PDE4B: variants seen among roughly 807,000 people sequenced by gnomAD.
PDE4B encodes 3',5'-cyclic-AMP phosphodiesterase 4B.
A neutral mutation model predicts 82.2 loss-of-function variants in PDE4B; 20 were observed. The observed-to-expected ratio is 0.24, with a 90% CI of 0.17 to 0.35. PDE4B has a LOEUF of 0.35. Among genes scored for constraint, PDE4B ranks in the 10% least tolerant of loss-of-function variants. The probability of loss-of-function intolerance (pLI) is 1.00; values close to 1 mark genes in which losing one functional copy is unlikely to be tolerated. For missense variants in PDE4B, 655 were observed against 907.2 expected (o/e 0.72, Z 3.57); for synonymous variants, 320 against 318.9 (o/e 1.00, Z -0.04).
chr1:66,008,846 C>G (rs975535053), intron 3 of PDE4B, among the ~76,000 whole-genome samples: 1 of 152,056 alleles, frequency 6.6e-6, no homozygotes, highest in African/African-American at 2.4e-5. Context: ...TCGGTTGGTT[C>G]CTCCTCATGT....
rs142078172 is a variant in PDE4B, at chr1:65,859,261, GTTTACA to G, written c.-70-53975_-70-53970del. 3.6e-3 allele frequency among the ~76,000 whole-genome samples: 545 copies of G among 151,968 alleles called. 2 individuals carry two copies. Among genetic ancestry groups the G allele is most frequent in the African/African-American group, 0.013 (521 of 41,454 alleles). ...TTATCTAGATGCCCCTTTTGCACTG[GTTTACA>G]TTTACATTGGAACAAAGTAAAGGTC... On this transcript the variant is annotated intron_variant, in intron 1 of 16. Coordinates refer to ENST00000341517, the MANE Select transcript of PDE4B (RefSeq NM_002600.4).
rs568356370 is a variant in PDE4B at position 65,866,832 on chromosome 1, G to A, written c.-70-46413G>A. Among the ~76,000 whole-genome samples, 179 of 152,232 alleles carry A rather than the reference G, an allele frequency of 1.2e-3. 1 individual carries two copies. The highest frequency in any genetic ancestry group is 4.2e-3 in the African/African-American group (176 of 41,538). On this transcript the variant is annotated intron_variant, in intron 1 of 16. Coordinates refer to ENST00000341517, the MANE Select transcript of PDE4B (RefSeq NM_002600.4). The stretch of plus-strand genomic sequence containing the variant: ...ATTAGAGAGACTTCCAGGGAATATT[G>A]GCATATTGAGCAGCTGCAATGTATG...
At chr1:66,103,538 T>C (rs914528985) in intron 3 of PDE4B, among the ~76,000 whole-genome samples, 1 of 152,136 alleles carries the variant, frequency 6.6e-6, no homozygotes, top group Non-Finnish European at 1.5e-5. Flanking sequence ...TTTAGCATGA[T>C]AAAGCTCTAG....
At chr1:66,224,444 C>G (rs1307390383) in intron 3 of PDE4B, among the ~76,000 whole-genome samples, 1 of 152,146 alleles carries the variant, frequency 6.6e-6, no homozygotes, top group Admixed American at 6.5e-5. Context: ...AGCAGCCGGG[C>G]ACAGTGGCTC....
At chr1:66,342,690 A>C (rs1661088342) in intron 8 of PDE4B, among the ~76,000 whole-genome samples, 2 of 151,338 alleles carry the variant, frequency 1.3e-5, no homozygotes, top group African/African-American at 4.9e-5. Context: ...GATCACATCC[A>C]CTGAACTCCA....
At chr1:65,900,582 T>C (rs894806805) in intron 1 of PDE4B, among the ~76,000 whole-genome samples, 2 of 152,082 alleles carry the variant, frequency 1.3e-5, no homozygotes, top group African/African-American at 4.8e-5. Context: ...TTCTCAAATC[T>C]ATGAGCATGG....
intron 1 of PDE4B, among the ~76,000 whole-genome samples, chr1:65,865,479 C>G (rs1038833279): frequency 6.6e-6 from 1 of 152,048 alleles, no homozygotes; most frequent in Non-Finnish European, 1.5e-5. Context: ...TAGTGTCTGC[C>G]CAAACAGCTG....
intron 3 of PDE4B, among the ~76,000 whole-genome samples, chr1:66,204,546 G>A (rs1649371054): frequency 6.6e-6 from 1 of 152,236 alleles, no homozygotes; most frequent in South Asian, 2.1e-4. Context: ...CCTGGGCAAT[G>A]GCAGGTGCCC....
At chr1:65,821,470 A>C (rs2101243517) in intron 1 of PDE4B, among the ~76,000 whole-genome samples, 1 of 152,346 alleles carries the variant, frequency 6.6e-6, no homozygotes, top group East Asian at 1.9e-4. Context: ...TAGGGCTAGA[A>C]GCTGTCTCCT....
chr1:66,364,730 G>C (rs1324123329), intron 12 of PDE4B, among the ~76,000 whole-genome samples: 1 of 152,210 alleles, frequency 6.6e-6, no homozygotes, highest in Admixed American at 6.5e-5. Context: ...TATACCCTGT[G>C]TAAGTATCAT....
intron 1 of PDE4B, among the ~76,000 whole-genome samples, chr1:65,844,755 G>T (rs887644835): frequency 4.6e-5 from 7 of 152,150 alleles, no homozygotes; most frequent in Non-Finnish European, 8.8e-5. Context: ...AAGTGGGGAG[G>T]ATATACTAGG....
intron 3 of PDE4B, among the ~76,000 whole-genome samples, chr1:66,074,000 A>C (rs953184975): frequency 6.6e-6 from 1 of 152,112 alleles, no homozygotes; most frequent in African/African-American, 2.4e-5. Context: ...TTCCTTGGGA[A>C]CTTCAAGGCT....
At chr1:66,186,209 C>G (rs1647205981) in intron 3 of PDE4B, among the ~76,000 whole-genome samples, 1 of 152,082 alleles carries the variant, frequency 6.6e-6, no homozygotes, top group Non-Finnish European at 1.5e-5. Context: ...TGTTTTGGTA[C>G]CAGCACCATG....
intron 8 of PDE4B, among the ~76,000 whole-genome samples, chr1:66,350,784 A>C (rs1022620849): frequency 6.6e-6 from 1 of 152,216 alleles, no homozygotes; most frequent in African/African-American, 2.4e-5. Flanking sequence ...TGAGAAATAT[A>C]GAAAAGTGAA....
chr1:66,324,549 C>T (rs1350481883), intron 7 of PDE4B, among the ~76,000 whole-genome samples: 2 of 151,968 alleles, frequency 1.3e-5, no homozygotes, highest in Admixed American at 1.3e-4. Flanking sequence ...TATATAAGAG[C>T]CAGTTGTGAT....
At chr1:65,824,482 A>T (rs1385570459) in intron 1 of PDE4B, among the ~76,000 whole-genome samples, 1 of 152,084 alleles carries the variant, frequency 6.6e-6, no homozygotes, top group African/African-American at 2.4e-5. Context: ...TTCATAAAAA[A>T]TATTGACAGT....
chr1:66,175,127 G>A (rs539468730), intron 3 of PDE4B, among the ~76,000 whole-genome samples: 1 of 152,266 alleles, frequency 6.6e-6, no homozygotes, highest in South Asian at 2.1e-4. Flanking sequence ...TTGTGTGGGG[G>A]CACAGAGCCA....
At chr1:66,088,033 A>G (rs921629744) in intron 3 of PDE4B, among the ~76,000 whole-genome samples, 1 of 151,926 alleles carries the variant, frequency 6.6e-6, no homozygotes, top group African/African-American at 2.4e-5. Context: ...ATAAAAATAA[A>G]TAATAAAAAA....
At chr1:66,253,882 C>T (rs929028476) in intron 4 of PDE4B, among the ~76,000 whole-genome samples, 2 of 152,082 alleles carry the variant, frequency 1.3e-5, no homozygotes, top group African/African-American at 2.4e-5. Context: ...TTTTTTGCTT[C>T]TGAATGTTCT....
Sources: gnomAD v4.1 joint callset for allele counts (sites outside exome capture counted in the v4.1 genomes callset) on GRCh38, gnomAD v4.1.1 for gene constraint, MANE v1.5 for transcripts, NCBI Gene and HGNC (gene_info 2026-07-23, HGNC 2026-07-21) for gene names.